The following RANBP17 variants were observed in gnomAD, a reference collection of about 807,000 sequenced individuals.
The protein encoded by RANBP17 is RAN binding protein 17.
RANBP17 carries 158 observed loss-of-function variants against 141.2 expected under a neutral mutation model. That is an observed-to-expected ratio of 1.12 (90% CI 0.98 to 1.28). RANBP17 has a LOEUF of 1.28. Ranked by LOEUF, RANBP17 falls within the 50% of genes most tolerant of loss-of-function variation. RANBP17 has a pLI of 0.00. For synonymous variants in RANBP17, 430 were observed against 450.0 expected, an observed-to-expected ratio of 0.96 and a Z score of 0.56; for missense variants, 1,438 against 1,290.7, an observed-to-expected ratio of 1.11 and a Z score of -1.75.
intron 12 of RANBP17, among the ~76,000 whole-genome samples, chr5:170,928,595 A>T (rs558821091): frequency 2.7e-4 from 41 of 152,182 alleles, no homozygotes; most frequent in African/African-American, 9.1e-4. Context: ...TCCCCCATTG[A>T]ATCACTATGA....
intron 14 of RANBP17, among the ~76,000 whole-genome samples, chr5:171,053,902 TA>T (rs1561596468): frequency 7.2e-5 from 10 of 138,156 alleles, no homozygotes; most frequent in Admixed American, 2.2e-4. Flanking sequence ...TATATATATA[TA>T]TATATATATA....
At chr5:170,930,572 C>G (rs1300490900) in intron 12 of RANBP17, among the ~76,000 whole-genome samples, 2 of 151,976 alleles carry the variant, frequency 1.3e-5, no homozygotes, top group Admixed American at 6.6e-5. Context: ...CCCCCCACTC[C>G]CCGGCAGGCC....
Position 170,968,273 on chromosome 5 carries a change from G to C in RANBP17, c.1606G>C (p.Gly536Arg). ...TCAGCTTATATCTTTAATGGATACC[G>C]GATTGCCTCGATGTTGTAATGAGAA... Reference protein sequence around the residue: ...VFQLISLMDTGLPRCCNEKIE... With the variant: ...VFQLISLMDTRLPRCCNEKIE... Residue 536 changes from glycine (G) to arginine (R), a missense_variant, in exon 14 of 28, where the codon GGA becomes CGA. Gly to Arg is a moderately radical substitution (Grantham distance 125). Coordinates refer to ENST00000523189, the MANE Select transcript of RANBP17 (RefSeq NM_022897.5). 6.3e-7 allele frequency: 1 copy of C among 1,599,468 alleles called. No individual in the cohort carries two copies.
chr5:171,210,286 T>C (rs1006984224), intron 20 of RANBP17, among the ~76,000 whole-genome samples: 10 of 152,058 alleles, frequency 6.6e-5, no homozygotes, highest in African/African-American at 2.4e-4. Flanking sequence ...CCTTTTAACC[T>C]CTCTATTGTG....
intron 3 of RANBP17, among the ~76,000 whole-genome samples, chr5:170,882,321 C>T (rs1330604457): frequency 1.3e-5 from 2 of 152,118 alleles, no homozygotes; most frequent in African/African-American, 4.8e-5. Context: ...ACCTCGTGAT[C>T]CGCCCTCCTT....
At chr5:171,223,573 T>C (rs1000326125) in intron 22 of RANBP17, among the ~76,000 whole-genome samples, 1 of 152,140 alleles carries the variant, frequency 6.6e-6, no homozygotes, top group Admixed American at 6.5e-5. Context: ...AGGCAGAGGT[T>C]GCAGTGAGCC....
chr5:171,018,160 G>A (rs143433105), intron 14 of RANBP17, among the ~76,000 whole-genome samples: 3,926 of 152,074 alleles, frequency 0.026, 129 homozygotes, highest in African/African-American at 0.082. Flanking sequence ...TACTGTAGCC[G>A]TGTAGTGTAG....
chr5:171,139,323 C>T (rs1757537324), intron 14 of RANBP17, among the ~76,000 whole-genome samples: 1 of 152,078 alleles, frequency 6.6e-6, no homozygotes, highest in South Asian at 2.1e-4. Context: ...CTTCTCCATC[C>T]ATCTCTTCCC....
At chr5:170,923,062 T>C (rs1412422011) in intron 11 of RANBP17, among the ~76,000 whole-genome samples, 2 of 152,198 alleles carry the variant, frequency 1.3e-5, no homozygotes, top group South Asian at 2.1e-4. Context: ...GTTTTTGTTG[T>C]TATACCTATG....
chr5:171,021,689 T>C (rs1335007795), intron 14 of RANBP17, among the ~76,000 whole-genome samples: 2 of 152,366 alleles, frequency 1.3e-5, no homozygotes, highest in Non-Finnish European at 2.9e-5. Context: ...ATCATGTTTC[T>C]TAACTTCTTT....
intron 14 of RANBP17, among the ~76,000 whole-genome samples, chr5:170,973,055 T>C (rs556449022): frequency 6.6e-6 from 1 of 152,326 alleles, no homozygotes; most frequent in Admixed American, 6.5e-5. Context: ...TTTCCTTTGG[T>C]TTATTCCTGT....
At chr5:171,252,480 A>T (rs1435387058) in intron 24 of RANBP17, 7 of 1,456,980 alleles carry the variant, frequency 4.8e-6, no homozygotes, top group Non-Finnish European at 6.7e-6. Flanking sequence ...GCAACACAGA[A>T]ACCCTATGCA....
chr5:171,298,775 C>G lies in RANBP17; in HGVS notation c.3184C>G (p.Leu1062Val). 1 of 1,613,988 alleles carries G rather than the reference C, an allele frequency of 6.2e-7. No individual in the cohort carries two copies. The highest frequency in any genetic ancestry group is 8.5e-7 in the Non-Finnish European group (1 of 1,179,836). Residue 1062 changes from leucine (L) to valine (V), a missense_variant, in exon 28 of 28, where the codon CTG becomes GTG. By Grantham distance (32) the Leu-to-Val change is conservative. Transcript: ENST00000523189. ...VKNRDRFTQN[L>V]SVFRRDVAEA... ...CTCTTTCTGCAGGTTCACCCAAAAT[C>G]TGTCTGTATTCAGAAGAGATGTGGC...
At chr5:171,049,583 C>T (rs1782822405) in intron 14 of RANBP17, among the ~76,000 whole-genome samples, 1 of 151,974 alleles carries the variant, frequency 6.6e-6, no homozygotes, top group Non-Finnish European at 1.5e-5. Context: ...GGTTAGTTTC[C>T]AGGGTTTTTA....
chr5:171,031,061 T>C (rs1365398807), intron 14 of RANBP17, among the ~76,000 whole-genome samples: 2 of 152,082 alleles, frequency 1.3e-5, no homozygotes. Context: ...ACAACATCTG[T>C]TTCAATATAT....
chr5:171,191,462 G>A (rs2127941075), intron 18 of RANBP17, among the ~76,000 whole-genome samples: 1 of 152,226 alleles, frequency 6.6e-6, no homozygotes, highest in Admixed American at 6.5e-5. Context: ...GCCGAGGCAG[G>A]CGGATCACGA....
chr5:170,893,617 C>T (rs1769842097), intron 4 of RANBP17, among the ~76,000 whole-genome samples: 1 of 151,926 alleles, frequency 6.6e-6, no homozygotes. Flanking sequence ...CACGGTGAAA[C>T]CCTGTCTCTA....
At chr5:171,218,585 G>A (rs1390378317) in intron 21 of RANBP17, among the ~76,000 whole-genome samples, 1 of 152,090 alleles carries the variant, frequency 6.6e-6, no homozygotes, top group South Asian at 2.1e-4. Flanking sequence ...TGTATTGGGT[G>A]CTCCTGTATT....
chr5:171,089,914 G>A (rs184555654), intron 14 of RANBP17, among the ~76,000 whole-genome samples: 11 of 152,278 alleles, frequency 7.2e-5, no homozygotes, highest in East Asian at 3.9e-4. Context: ...GAAATCACCC[G>A]TCTTCTGCGT....
Sources: gnomAD v4.1 joint callset for allele counts (sites outside exome capture counted in the v4.1 genomes callset) on GRCh38, gnomAD v4.1.1 for gene constraint, MANE v1.5 for transcripts, NCBI Gene and HGNC (gene_info 2026-07-23, HGNC 2026-07-21) for gene names.